The following PLCH2 variants were observed in gnomAD, a reference collection of about 807,000 sequenced individuals.
The protein encoded by PLCH2 is 1-phosphatidylinositol 4,5-bisphosphate phosphodiesterase eta-2.
In PLCH2, 98 loss-of-function variants were observed where a neutral mutation model predicts 134.7. The ratio of observed to expected loss-of-function variants is 0.73; its 90% confidence interval spans 0.62 to 0.86. PLCH2 has a LOEUF of 0.86. PLCH2 is among the 40% of genes least tolerant of loss of function. The probability of loss-of-function intolerance (pLI) is 0.00; values close to 1 mark genes in which losing one functional copy is unlikely to be tolerated. For missense variants in PLCH2, 1,994 were observed against 1,986.6 expected, an observed-to-expected ratio of 1.00 and a Z score of -0.07; for synonymous variants, 974 against 827.5, an observed-to-expected ratio of 1.18 and a Z score of -3.04.
intron 2 of PLCH2, among the ~76,000 whole-genome samples, chr1:2,440,243 C>G (rs989459002): frequency 6.6e-6 from 1 of 151,910 alleles, no homozygotes; most frequent in Admixed American, 6.5e-5. Flanking sequence ...CATCTGGGAG[C>G]GCCCGGGAAG....
intron 2 of PLCH2, among the ~76,000 whole-genome samples, chr1:2,453,713 G>T (rs1191763632): frequency 1.3e-5 from 2 of 152,190 alleles, no homozygotes; most frequent in African/African-American, 2.4e-5. Flanking sequence ...GCTCTCTGCT[G>T]CCTCTTTCTG....
chr1:2,478,405 G>C, intron 1 of PLCH2, 71 bp from the exon 2 acceptor site: 1 of 1,573,052 alleles, frequency 6.4e-7, no homozygotes, highest in East Asian at 2.3e-5. Flanking sequence ...CCGTGCCTCC[G>C]CTGACGGCCG....
intron 2 of PLCH2, among the ~76,000 whole-genome samples, chr1:2,462,326 A>AC (rs534765569): frequency 8.4e-4 from 25 of 29,876 alleles, no homozygotes; most frequent in African/African-American, 3.1e-3. Context: ...TCTGCCTGAC[A>AC]CCCCTCTGCC....
At chr1:2,456,756 C>G (rs888627211) in intron 2 of PLCH2, among the ~76,000 whole-genome samples, 3 of 152,192 alleles carry the variant, frequency 2.0e-5, no homozygotes, top group African/African-American at 7.2e-5. Flanking sequence ...GTCCAGGGCT[C>G]TTGGTGGGAG....
upstream of PLCH2, among the ~76,000 whole-genome samples, chr1:2,422,828 C>T (rs1638585283): frequency 6.6e-6 from 1 of 152,170 alleles, no homozygotes; most frequent in South Asian, 2.1e-4. Flanking sequence ...CAGGCATGAG[C>T]CGCTGTACCT....
intron 2 of PLCH2, among the ~76,000 whole-genome samples, chr1:2,450,227 G>A (rs1359505500): frequency 1.3e-5 from 2 of 152,146 alleles, no homozygotes. Context: ...AGGGAGTTTG[G>A]TTTTTGTCTG....
At chr1:2,417,023 G>A in the PLCH2 span, among the ~76,000 whole-genome samples, 1 of 152,158 alleles carries the variant, frequency 6.6e-6, no homozygotes, top group South Asian at 2.1e-4. Context: ...GGAGAGAGGG[G>A]CATGGGCCTG....
At chr1:2,455,302 G>A (rs982573658) in intron 2 of PLCH2, among the ~76,000 whole-genome samples, 6 of 152,170 alleles carry the variant, frequency 3.9e-5, no homozygotes, top group African/African-American at 1.4e-4. Flanking sequence ...GGCCCGGCAG[G>A]TCCCTGTTCC....
chr1:2,444,029 C>T lies in PLCH2; in HGVS notation c.115+13400C>T, dbSNP rs1639820527. Among the ~76,000 whole-genome samples the T allele has an allele frequency of 6.6e-6, 1 of 152,174 alleles. No individual in the cohort carries two copies. Among genetic ancestry groups the T allele is most frequent in the Non-Finnish European group, 1.5e-5 (1 of 68,006 alleles). On this transcript the variant is annotated intron_variant, in intron 2 of 3. Coordinates refer to the PLCH2 transcript ENST00000609981. The surrounding 1 kb of genome is among the most constrained non-coding windows in gnomAD (Gnocchi z 4.6). ...CAACCGGGATGCGCGGGTGGACGCG[C>T]GGGGGCGCCGCAGCCCTGGTGCGGG...
chr1:2,472,196 C>T (rs1305382206), upstream of PLCH2, among the ~76,000 whole-genome samples: 2 of 152,196 alleles, frequency 1.3e-5, no homozygotes, highest in African/African-American at 2.4e-5. Context: ...GGCTCCCAGA[C>T]GTGCGGGGGG....
chr1:2,478,009 A>ACAGC lies in PLCH2; in HGVS notation c.125-461_125-458dup, dbSNP rs550997377. ...GGCCTCCACTGCACTATGGCCCCAGACAGCCAGCCCAGCCACCTCATCTGT... is the reference window on the plus strand; with the variant it reads ...GGCCTCCACTGCACTATGGCCCCAGACAGCCAGCCAGCCCAGCCACCTCATCTGT... On this transcript the variant is annotated intron_variant, in intron 1 of 21. Transcript: ENST00000378486. Among the ~76,000 whole-genome samples the ACAGC allele has an allele frequency of 2.9e-3, 448 of 152,274 alleles. 4 individuals carry two copies. Among genetic ancestry groups the ACAGC allele is most frequent in the South Asian group, 0.017 (81 of 4,828 alleles).
chr1:2,430,992 C>T (rs770383853), intron 2 of PLCH2, among the ~76,000 whole-genome samples: 28 of 152,338 alleles, frequency 1.8e-4, no homozygotes, highest in Non-Finnish European at 3.5e-4. Context: ...CGTGTTGTCA[C>T]TGTCAGAAGG....
At chr1:2,417,273 G>T in the PLCH2 span, among the ~76,000 whole-genome samples, 1 of 152,202 alleles carries the variant, frequency 6.6e-6, no homozygotes, top group East Asian at 1.9e-4. Flanking sequence ...CCCCAAAAAG[G>T]AGATCTGGGA....
chr1:2,462,386 C>A (rs2100592544), intron 2 of PLCH2, among the ~76,000 whole-genome samples: 1 of 134,134 alleles, frequency 7.5e-6, no homozygotes, highest in Middle Eastern at 3.9e-3. Context: ...CCACCTGACA[C>A]CCCCTCCGCC....
intron 2 of PLCH2, among the ~76,000 whole-genome samples, chr1:2,435,125 G>A (rs1404162432): frequency 6.6e-6 from 1 of 152,196 alleles, no homozygotes; most frequent in African/African-American, 2.4e-5. Context: ...CAGAGAAGTG[G>A]GCAGTCCAGG....
chr1:2,496,175 A>G (rs774301158), intron 13 of PLCH2, among the ~76,000 whole-genome samples: 1 of 151,982 alleles, frequency 6.6e-6, no homozygotes, highest in East Asian at 1.9e-4. Context: ...CCCACGTGCC[A>G]GCCGGGCTCT....
chr1:2,460,284 CTGCTCTGTGTCT>C (rs1640750778), intron 2 of PLCH2, among the ~76,000 whole-genome samples: 1 of 152,278 alleles, frequency 6.6e-6, no homozygotes, highest in African/African-American at 2.4e-5. Context: ...CCCCTGACCA[CTGCTCTGTGTCT>C]CCCAGACCAG....
intron 21 of PLCH2, 194 bp from the exon 22 acceptor site, chr1:2,503,725 CCAG>C (rs2100748727): frequency 1.4e-5 from 9 of 620,920 alleles, no homozygotes; most frequent in South Asian, 3.6e-5. Flanking sequence ...GGACTGGGCC[CCAG>C]CAGCAGCAGG....
At chr1:2,495,615 C>A in intron 13 of PLCH2, 45 bp downstream of exon 13, 1 of 1,395,146 alleles carries the variant, frequency 7.2e-7, no homozygotes, top group Non-Finnish European at 9.7e-7. Context: ...CTCCTGGGAG[C>A]CTGGCCCAAC....
Sources: gnomAD v4.1 joint callset for allele counts (sites outside exome capture counted in the v4.1 genomes callset) on GRCh38, gnomAD v4.1.1 for gene constraint, Gnocchi (gnomAD v3.1) non-coding constraint, MANE v1.5 for transcripts, NCBI Gene and HGNC (gene_info 2026-07-23, HGNC 2026-07-21) for gene names.